The following KAT2B variants were observed in gnomAD, a reference collection of about 807,000 sequenced individuals.
KAT2B encodes the protein lysine acetyltransferase 2B.
In KAT2B, 36 loss-of-function variants were observed where a neutral mutation model predicts 105.9. The ratio of observed to expected loss-of-function variants is 0.34; its 90% CI spans 0.26 to 0.45. KAT2B has a LOEUF of 0.45. KAT2B is among the 20% of genes least tolerant of loss of function. KAT2B has a pLI of 1.00. For missense variants in KAT2B, 820 were observed against 1,021.6 expected, an observed-to-expected ratio of 0.80 and a Z score of 2.69; for synonymous variants, 397 against 377.9, an observed-to-expected ratio of 1.05 and a Z score of -0.59.
chr3:20,144,595 C>CTTT (rs1699753608), intron 13 of KAT2B, among the ~76,000 whole-genome samples: 1 of 132,642 alleles, frequency 7.5e-6, no homozygotes, highest in Admixed American at 7.8e-5. Flanking sequence ...AGCCAGGTTT[C>CTTT]TTTTTTCTTT....
chr3:20,101,574 C>A (rs1698911853), intron 5 of KAT2B, 106 bp downstream of exon 5: 7 of 803,298 alleles, frequency 8.7e-6, no homozygotes, highest in South Asian at 5.2e-5. Flanking sequence ...CATTATGACT[C>A]CATCAATTCA....
At chr3:20,138,213 A>C (rs1436657718) in intron 12 of KAT2B, among the ~76,000 whole-genome samples, 1 of 152,094 alleles carries the variant, frequency 6.6e-6, no homozygotes, top group Non-Finnish European at 1.5e-5. Context: ...TTTATTTTAA[A>C]ATTTTTTCTG....
intron 1 of KAT2B, 66 bp from the exon 2 acceptor site, chr3:20,072,267 A>G: frequency 6.6e-7 from 1 of 1,521,292 alleles, no homozygotes; most frequent in Non-Finnish European, 9.1e-7. Context: ...CATTGTTCTC[A>G]TGTAAAACCA....
At chr3:20,081,371 A>G (rs1491002840) in intron 2 of KAT2B, among the ~76,000 whole-genome samples, 2 of 152,188 alleles carry the variant, frequency 1.3e-5, no homozygotes, top group African/African-American at 2.4e-5. Context: ...TCCTGTTCTC[A>G]GCAAGGTTGA....
chr3:20,041,219 A>T (rs1273806696), intron 1 of KAT2B, among the ~76,000 whole-genome samples: 6 of 151,938 alleles, frequency 3.9e-5, no homozygotes, highest in Non-Finnish European at 8.8e-5. Flanking sequence ...ACTGGGAGGA[A>T]CTGGGTGCAA....
chr3:20,054,820 A>G (rs1697977959), intron 1 of KAT2B, among the ~76,000 whole-genome samples: 1 of 152,204 alleles, frequency 6.6e-6, no homozygotes, highest in Non-Finnish European at 1.5e-5. Context: ...CAGGATTGGC[A>G]CATACTCACA....
intron 5 of KAT2B, among the ~76,000 whole-genome samples, chr3:20,102,563 C>G (rs1698929323): frequency 6.6e-6 from 1 of 152,182 alleles, no homozygotes; most frequent in Non-Finnish European, 1.5e-5. Flanking sequence ...GCTGGACATT[C>G]AAACTCTGCA....
intron 15 of KAT2B, 43 bp from the exon 16 acceptor site, chr3:20,148,200 A>C (rs1316733346): frequency 6.4e-7 from 1 of 1,551,590 alleles, no homozygotes. Context: ...GCAATAGGGT[A>C]AAACTCTAAT....
chr3:20,077,996 G>T (rs1279262131), intron 2 of KAT2B, among the ~76,000 whole-genome samples: 1 of 152,050 alleles, frequency 6.6e-6, no homozygotes, highest in Non-Finnish European at 1.5e-5. Flanking sequence ...GCAACATGGC[G>T]AAACTCCACC....
intron 1 of KAT2B, among the ~76,000 whole-genome samples, chr3:20,047,666 G>T (rs1009090733): frequency 1.4e-5 from 2 of 146,724 alleles, no homozygotes; most frequent in African/African-American, 5.0e-5. Context: ...GGAGTGGAGT[G>T]CAGTGGTGTG....
At chr3:20,115,612 T>C (rs1315373162) in intron 7 of KAT2B, among the ~76,000 whole-genome samples, 4 of 152,204 alleles carry the variant, frequency 2.6e-5, no homozygotes, top group African/African-American at 9.6e-5. Context: ...TATTCTTGCT[T>C]TAAAAACAAA....
intron 1 of KAT2B, among the ~76,000 whole-genome samples, chr3:20,062,282 A>AATATGATAT (rs1251436874): frequency 6.7e-4 from 34 of 50,790 alleles, no homozygotes; most frequent in Non-Finnish European, 1.0e-3. Context: ...TAATATATAA[A>AATATGATAT]ATATAATATA....
At chr3:20,050,187 G>A (rs1263685235) in intron 1 of KAT2B, among the ~76,000 whole-genome samples, 3 of 145,982 alleles carry the variant, frequency 2.1e-5, no homozygotes, top group Admixed American at 6.8e-5. Context: ...GCAATGGAGT[G>A]AGACCCTGTC....
intron 1 of KAT2B, among the ~76,000 whole-genome samples, chr3:20,060,742 T>C (rs1474512087): frequency 6.6e-6 from 1 of 151,916 alleles, no homozygotes; most frequent in African/African-American, 2.4e-5. Flanking sequence ...GTGAGTAACA[T>C]AGTAAGACCC....
chr3:20,103,283 A>G (rs1343279920), intron 5 of KAT2B, among the ~76,000 whole-genome samples: 1 of 152,226 alleles, frequency 6.6e-6, no homozygotes, highest in Non-Finnish European at 1.5e-5. Flanking sequence ...ACAAAGCTGA[A>G]TATTTGTCAA....
intron 2 of KAT2B, among the ~76,000 whole-genome samples, chr3:20,080,040 T>C (rs1288839397): frequency 6.6e-6 from 1 of 152,218 alleles, no homozygotes; most frequent in African/African-American, 2.4e-5. Context: ...AGGCTTTTCC[T>C]CATTATTCCT....
intron 1 of KAT2B, among the ~76,000 whole-genome samples, chr3:20,062,289 T>TATATAAA (rs1698145050): frequency 2.2e-5 from 1 of 44,554 alleles, no homozygotes; most frequent in Non-Finnish European, 5.3e-5. Context: ...TAAAATATAA[T>TATATAAA]ATATAATATA....
At chr3:20,084,864 G>C (rs990647813) in intron 2 of KAT2B, among the ~76,000 whole-genome samples, 7 of 152,078 alleles carry the variant, frequency 4.6e-5, no homozygotes, top group African/African-American at 1.7e-4. Context: ...AATTAATTTT[G>C]GTAAAGTGTT....
Position 20,072,382 on chromosome 3 carries a change from C to A in KAT2B, c.353C>A (p.Pro118His). The change falls in exon 2 of 18, where the codon CCC becomes CAC. Residue 118 changes from proline to histidine, a missense_variant. This residue lies in a region of KAT2B where 190 missense variants were observed against 176.7 expected (regional missense o/e 1.08). Transcript: ENST00000263754. Reference sequence around the variant, plus strand: ...GGCTGGAAAAACCCTAACCCCTCACCCACTCCCCCCAGAGCCGACCTGCAG... The same window carrying A: ...GGCTGGAAAAACCCTAACCCCTCACACACTCCCCCCAGAGCCGACCTGCAG... ...CNGWKNPNPS[P>H]TPPRADLQQI... is the part of the protein sequence containing the mutation. 1 of 1,613,008 alleles carries A rather than the reference C, an allele frequency of 6.2e-7. No homozygotes were observed. The highest frequency in any genetic ancestry group is 1.1e-5 in the South Asian group (1 of 91,046).
Sources: allele counts gnomAD v4.1 joint callset (sites outside exome capture counted in the v4.1 genomes callset), GRCh38; gene constraint gnomAD v4.1.1; regional missense constraint gnomAD v4.1.1; transcripts MANE v1.5; gene names NCBI Gene and HGNC (gene_info 2026-07-23, HGNC 2026-07-21).